The following CDH20 variants were observed in gnomAD, a reference collection of about 807,000 sequenced individuals.
The protein encoded by CDH20 is cadherin 20, also known as cadherin-20.
CDH20 carries 29 observed loss-of-function variants against 74.2 expected under a neutral mutation model. The ratio of observed to expected loss-of-function variants is 0.39; its 90% CI spans 0.29 to 0.53. CDH20 has a LOEUF of 0.53. Among genes scored for constraint, CDH20 ranks in the 20% least tolerant of loss-of-function variants. The pLI is 0.69. For synonymous variants in CDH20, 469 were observed against 405.4 expected (o/e 1.16, Z -1.88); for missense variants, 988 against 1,048.3 (o/e 0.94, Z 0.79).
chr18:61,334,504 T>C (rs1305036033), intron 1 of CDH20: 2 of 152,188 alleles, frequency 1.3e-5, no homozygotes, highest in Non-Finnish European at 2.9e-5. Flanking sequence ...GCTCGCTGTT[T>C]GGTTTTTGCT....
intron 1 of CDH20, among the ~76,000 whole-genome samples, chr18:61,360,994 A>G (rs1331805326): frequency 2.6e-5 from 4 of 152,272 alleles, no homozygotes; most frequent in Non-Finnish European, 4.4e-5. Flanking sequence ...GCAAGTGTGC[A>G]TGTTAAATCT....
At chr18:61,459,810 GTTA>G (rs1909707728) in intron 1 of CDH20, among the ~76,000 whole-genome samples, 1 of 152,066 alleles carries the variant, frequency 6.6e-6, no homozygotes, top group Non-Finnish European at 1.5e-5. Context: ...CTAACCTCAG[GTTA>G]TTAACTAGGA....
At chr18:61,368,845 A>G (rs1164265291) in intron 1 of CDH20, among the ~76,000 whole-genome samples, 2 of 147,948 alleles carry the variant, frequency 1.4e-5, no homozygotes, top group African/African-American at 5.0e-5. Context: ...AGTAAAATAG[A>G]AACTAGTTCT....
chr18:61,524,301 G>A (rs1912310917), intron 6 of CDH20, among the ~76,000 whole-genome samples: 2 of 152,182 alleles, frequency 1.3e-5, no homozygotes. Context: ...GCAAAACCAA[G>A]GGCTGACAAA....
intron 1 of CDH20, among the ~76,000 whole-genome samples, chr18:61,367,167 A>G (rs796162350): frequency 6.6e-6 from 1 of 152,184 alleles, no homozygotes; most frequent in South Asian, 2.1e-4. Flanking sequence ...AGAGTTTGCC[A>G]ATTCTTAAGA....
intron 6 of CDH20, 69 bp downstream of exon 6, chr18:61,507,629 C>G: frequency 8.6e-7 from 1 of 1,159,938 alleles, no homozygotes; most frequent in Non-Finnish European, 1.2e-6. Flanking sequence ...CTAGTAAGGA[C>G]TGTTGTATTA....
chr18:61,467,463 A>C (rs1910000732), intron 1 of CDH20, among the ~76,000 whole-genome samples: 1 of 152,108 alleles, frequency 6.6e-6, no homozygotes, highest in Non-Finnish European at 1.5e-5. Context: ...ATTTCTCACT[A>C]TCCATCAAAT....
At chr18:61,351,749 A>G (rs1910313484) in intron 1 of CDH20, among the ~76,000 whole-genome samples, 1 of 152,142 alleles carries the variant, frequency 6.6e-6, no homozygotes, top group African/African-American at 2.4e-5. Flanking sequence ...AGGTAACTTG[A>G]TGTCTTTCTT....
chr18:61,411,604 A>G (rs200914924), intron 1 of CDH20, among the ~76,000 whole-genome samples: 97,854 of 136,638 alleles, frequency 0.72, 32,436 homozygotes, highest in East Asian at 0.73. Context: ...ATATATATAT[A>G]TATATATATA....
At chr18:61,380,808 T>G (rs1239752735) in intron 1 of CDH20, among the ~76,000 whole-genome samples, 1 of 146,938 alleles carries the variant, frequency 6.8e-6, no homozygotes, top group African/African-American at 2.5e-5. Flanking sequence ...ACACTCCATC[T>G]CAAAACAAAA....
At chr18:61,448,175 C>CA (rs1021661068) in intron 1 of CDH20, among the ~76,000 whole-genome samples, 2 of 152,122 alleles carry the variant, frequency 1.3e-5, no homozygotes, top group Admixed American at 6.5e-5. Context: ...CATTAAATAT[C>CA]AAAAAGGAAA....
In CDH20 at chr18:61,336,585, A is replaced by C. The variant is rs140183839; in HGVS notation, c.-153+2758A>C. On this transcript the variant is annotated intron_variant, in intron 1 of 11. Coordinates refer to ENST00000262717, the MANE Select transcript of CDH20 (RefSeq NM_031891.4). ...TTATTGAATGCCTTTTGAGCTAGAA[A>C]ATTAGCAGTTCAGAAAAGCAGGAGG... is the stretch of plus-strand genomic sequence containing the variant. Among the ~76,000 whole-genome samples the C allele has an allele frequency of 3.9e-3, 595 of 152,294 alleles. 3 individuals carry two copies. The highest frequency in any genetic ancestry group is 0.012 in the African/African-American group (511 of 41,554).
intron 1 of CDH20, among the ~76,000 whole-genome samples, chr18:61,464,335 T>C (rs1909890377): frequency 6.6e-6 from 1 of 151,852 alleles, no homozygotes; most frequent in Admixed American, 6.6e-5. Context: ...AAAGTTAACA[T>C]ATTGCACAAT....
chr18:61,366,310 C>A (rs1910858618), intron 1 of CDH20, among the ~76,000 whole-genome samples: 1 of 152,124 alleles, frequency 6.6e-6, no homozygotes, highest in African/African-American at 2.4e-5. Flanking sequence ...ACTGCAAATA[C>A]TGAGAATGTT....
chr18:61,354,177 T>C (rs1480134555), intron 1 of CDH20, among the ~76,000 whole-genome samples: 3 of 152,238 alleles, frequency 2.0e-5, no homozygotes, highest in African/African-American at 7.2e-5. Flanking sequence ...ATCTGGAACA[T>C]TTCCACCTGT....
intron 1 of CDH20, among the ~76,000 whole-genome samples, chr18:61,431,544 T>C (rs924044195): frequency 6.6e-6 from 1 of 152,148 alleles, no homozygotes; most frequent in Non-Finnish European, 1.5e-5. Flanking sequence ...ACTAATAGGG[T>C]ATATGAGAAC....
At chr18:61,510,980 C>CTTTTTTTTTTTTTTTT (rs112741210) in intron 6 of CDH20, among the ~76,000 whole-genome samples, 9 of 135,988 alleles carry the variant, frequency 6.6e-5, no homozygotes, top group South Asian at 2.3e-4. Context: ...TTCTTTCTTT[C>CTTTTTTTTTTTTTTTT]TTTTTTTTTT....
At chr18:61,464,598 AGG>A (rs1909900072) in intron 1 of CDH20, among the ~76,000 whole-genome samples, 2 of 152,208 alleles carry the variant, frequency 1.3e-5, no homozygotes, top group Admixed American at 1.3e-4. Context: ...GAACCCCAGC[AGG>A]GTAGAGCTTG....
intron 1 of CDH20, among the ~76,000 whole-genome samples, chr18:61,455,539 A>G (rs1909545187): frequency 6.6e-6 from 1 of 152,042 alleles, no homozygotes; most frequent in Non-Finnish European, 1.5e-5. Context: ...CAATATGGCT[A>G]TTTATAAAAC....
Sources: gnomAD v4.1 joint callset for allele counts (sites outside exome capture counted in the v4.1 genomes callset) on GRCh38, gnomAD v4.1.1 for gene constraint, MANE v1.5 for transcripts, NCBI Gene and HGNC (gene_info 2026-07-23, HGNC 2026-07-21) for gene names.